Variants in PIP5K1B observed in about 807,000 individuals in gnomAD.
The protein encoded by PIP5K1B is phosphatidylinositol 4-phosphate 5-kinase type-1 beta.
PIP5K1B carries 42 observed loss-of-function variants against 67.0 expected under a neutral mutation model. The observed-to-expected ratio is 0.63, with a 90% CI of 0.49 to 0.81. PIP5K1B has a LOEUF of 0.81. PIP5K1B is among the 30% of genes least tolerant of loss of function. PIP5K1B has a pLI of 0.00. For synonymous variants in PIP5K1B, 214 were observed against 231.4 expected, an observed-to-expected ratio of 0.92 and a Z score of 0.68; for missense variants, 459 against 646.3, an observed-to-expected ratio of 0.71 and a Z score of 3.14.
chr9:68,778,727 G>T (rs1831050973), intron 2 of PIP5K1B, among the ~76,000 whole-genome samples: 2 of 152,120 alleles, frequency 1.3e-5, no homozygotes, highest in South Asian at 4.1e-4. Context: ...TCAGTCCCCT[G>T]CTTAAAACCC....
At chr9:68,818,029 T>G (rs1002280923) in intron 2 of PIP5K1B, among the ~76,000 whole-genome samples, 1 of 152,222 alleles carries the variant, frequency 6.6e-6, no homozygotes, top group Non-Finnish European at 1.5e-5. Flanking sequence ...AGGGATAATA[T>G]TGAAAAATTG....
At chr9:68,962,239 T>C (rs1450739759) in intron 14 of PIP5K1B, among the ~76,000 whole-genome samples, 1 of 149,886 alleles carries the variant, frequency 6.7e-6, no homozygotes, top group Non-Finnish European at 1.5e-5. Context: ...CATTTCCTTG[T>C]ACACAGAATA....
chr9:68,889,569 C>G (rs1042167947), intron 7 of PIP5K1B, among the ~76,000 whole-genome samples: 2 of 151,812 alleles, frequency 1.3e-5, no homozygotes, highest in African/African-American at 4.8e-5. Context: ...CCCGTCTCTA[C>G]TAAAAATACA....
At chr9:68,933,827 ATTC>A (rs1278383386) in intron 12 of PIP5K1B, among the ~76,000 whole-genome samples, 1 of 152,182 alleles carries the variant, frequency 6.6e-6, no homozygotes, top group Non-Finnish European at 1.5e-5. Context: ...ATTGTCCTCC[ATTC>A]TTCTCTCATT....
chr9:68,870,418 G>C (rs1823574756), intron 5 of PIP5K1B, among the ~76,000 whole-genome samples: 1 of 152,198 alleles, frequency 6.6e-6, no homozygotes, highest in Non-Finnish European at 1.5e-5. Flanking sequence ...AGCAAGGAAT[G>C]TGTCTTTTGT....
intron 1 of PIP5K1B, among the ~76,000 whole-genome samples, chr9:68,730,843 C>T (rs982204033): frequency 1.4e-4 from 22 of 152,136 alleles, no homozygotes; most frequent in Admixed American, 1.3e-3. Flanking sequence ...AGGTTGGAAA[C>T]AAGAAAAGGA....
At chr9:68,861,597 G>A (rs55845142) in intron 4 of PIP5K1B, among the ~76,000 whole-genome samples, 47,465 of 151,966 alleles carry the variant, frequency 0.31, 7,581 homozygotes, top group Middle Eastern at 0.36. Context: ...GGGGTGCGGT[G>A]CGGGGGCTGC....
intron 4 of PIP5K1B, among the ~76,000 whole-genome samples, chr9:68,836,634 C>T (rs1405600923): frequency 6.6e-6 from 1 of 152,010 alleles, no homozygotes; most frequent in Non-Finnish European, 1.5e-5. Context: ...TCTACACACA[C>T]ACACACATAT....
rs116597729 is a variant in PIP5K1B, at chr9:68,730,999, T to G, written c.-242-11502T>G. Among the ~76,000 whole-genome samples the G allele has an allele frequency of 3.6e-3, 551 of 152,374 alleles. 2 individuals carry two copies. Among genetic ancestry groups the G allele is most frequent in the African/African-American group, 0.012 (513 of 41,596 alleles). On this transcript the variant is annotated intron_variant, in intron 1 of 15. Transcript: ENST00000265382. Reference sequence around the variant, plus strand: ...CCTTGAAGTCTTAGTTGAAATATGCTTCTTCAATCATTAACCAGTAAACAG... The same window carrying G: ...CCTTGAAGTCTTAGTTGAAATATGCGTCTTCAATCATTAACCAGTAAACAG...
chr9:68,992,492 G>T (rs1339979050), intron 15 of PIP5K1B, among the ~76,000 whole-genome samples: 1 of 152,032 alleles, frequency 6.6e-6, no homozygotes, highest in African/African-American at 2.4e-5. Context: ...TCTCACAAGT[G>T]CTCTGCAGGG....
chr9:68,816,605 A>T (rs1305551443), intron 2 of PIP5K1B, among the ~76,000 whole-genome samples: 2 of 152,214 alleles, frequency 1.3e-5, no homozygotes, highest in Non-Finnish European at 2.9e-5. Flanking sequence ...AATGTTTGGA[A>T]CAGAGTAGAT....
chr9:68,830,771 G>A (rs1206459344), intron 4 of PIP5K1B, among the ~76,000 whole-genome samples: 2 of 152,224 alleles, frequency 1.3e-5, no homozygotes, highest in South Asian at 2.1e-4. Flanking sequence ...TGCAGCCAGT[G>A]GGGCCGTCTG....
chr9:68,847,468 T>TGTGTGTG (rs1308180241), intron 4 of PIP5K1B, among the ~76,000 whole-genome samples: 1 of 135,092 alleles, frequency 7.4e-6, no homozygotes, highest in Non-Finnish European at 1.6e-5. Context: ...TGTGTGTAGG[T>TGTGTGTG]GGGGATAACA....
rs138065900 is a variant in PIP5K1B, at chr9:68,772,676, A to G, written c.-86+30019A>G. On this transcript the variant is annotated intron_variant, in intron 2 of 15. Coordinates refer to ENST00000265382, the MANE Select transcript of PIP5K1B (RefSeq NM_003558.4). ...TTTTGCCCAATTATTCTACTCAGAAACTACCTGCTTGTATATGAACCTTCC... is the reference window on the plus strand; with the variant it reads ...TTTTGCCCAATTATTCTACTCAGAAGCTACCTGCTTGTATATGAACCTTCC... 3.4e-4 allele frequency among the ~76,000 whole-genome samples: 52 copies of G among 152,314 alleles called. No individual in the cohort carries two copies. The East Asian group carries it at 9.4e-3, about 28-fold the overall frequency.
chr9:68,892,205 T>C (rs1824827778), intron 7 of PIP5K1B, among the ~76,000 whole-genome samples: 1 of 152,208 alleles, frequency 6.6e-6, no homozygotes, highest in Non-Finnish European at 1.5e-5. Flanking sequence ...AAAATTCTAA[T>C]AGGATTTTTC....
At chr9:68,925,987 G>A (rs781501808) in intron 12 of PIP5K1B, among the ~76,000 whole-genome samples, 23 of 151,206 alleles carry the variant, frequency 1.5e-4, no homozygotes, top group Non-Finnish European at 3.4e-4. Context: ...GTAAAGATGG[G>A]GTTTCGTCGT....
chr9:68,949,248 A>G (rs920765680), intron 14 of PIP5K1B, among the ~76,000 whole-genome samples: 2 of 152,212 alleles, frequency 1.3e-5, no homozygotes, highest in Non-Finnish European at 2.9e-5. Context: ...ACACTCTTCA[A>G]TTCTCTGCCC....
chr9:68,974,777 T>G (rs989174776), intron 14 of PIP5K1B, among the ~76,000 whole-genome samples: 1 of 152,256 alleles, frequency 6.6e-6, no homozygotes, highest in Non-Finnish European at 1.5e-5. Context: ...AATTACAGTG[T>G]ACATCTGTGA....
chr9:68,821,355 G>A (rs1246170874), intron 3 of PIP5K1B, among the ~76,000 whole-genome samples: 1 of 152,106 alleles, frequency 6.6e-6, no homozygotes, highest in East Asian at 1.9e-4. Flanking sequence ...CAAACCACTA[G>A]TATGAATAAC....
Sources: gnomAD v4.1 joint callset for allele counts (sites outside exome capture counted in the v4.1 genomes callset) on GRCh38, gnomAD v4.1.1 for gene constraint, MANE v1.5 for transcripts, NCBI Gene and HGNC (gene_info 2026-07-23, HGNC 2026-07-21) for gene names.